TMED3: variants seen among roughly 807,000 people sequenced by gnomAD.
The protein encoded by TMED3 is transmembrane p24 trafficking protein 3.
TMED3 carries 9 observed loss-of-function variants against 15.0 expected under a neutral mutation model. The ratio of observed to expected loss-of-function variants is 0.60; its 90% confidence interval spans 0.36 to 1.04. TMED3 has a LOEUF of 1.04. Among genes scored for constraint, TMED3 ranks in the 50% least tolerant of loss-of-function variants. The pLI, the probability that TMED3 is intolerant of heterozygous loss-of-function variation, is 0.01. For synonymous variants in TMED3, 117 were observed against 121.4 expected (o/e 0.96, Z 0.24); for missense variants, 267 against 278.9 (o/e 0.96, Z 0.30).
At chr15:79,362,300 T>C (rs1034969676) in intron 2 of TMED3, among the ~76,000 whole-genome samples, 2 of 83,338 alleles carry the variant, frequency 2.4e-5, no homozygotes, top group Admixed American at 1.5e-4. Context: ...ATCTTGCCTC[T>C]ATAAAAAAAA....
intron 2 of TMED3, among the ~76,000 whole-genome samples, chr15:79,363,980 A>G (rs1337679976): frequency 6.6e-6 from 1 of 152,238 alleles, no homozygotes; most frequent in Non-Finnish European, 1.5e-5. Context: ...GCATAAATCA[A>G]TATAATGCAG....
chr15:79,364,207 AT>A (rs984315674), intron 2 of TMED3, among the ~76,000 whole-genome samples: 1 of 152,110 alleles, frequency 6.6e-6, no homozygotes, highest in African/African-American at 2.4e-5. Context: ...TGGGTTCCCT[AT>A]TTGTATAAGG....
At chr15:79,398,359 A>G (rs1033652752) in intron 2 of TMED3, among the ~76,000 whole-genome samples, 2 of 151,996 alleles carry the variant, frequency 1.3e-5, no homozygotes, top group Non-Finnish European at 2.9e-5. Flanking sequence ...AGGCAGTGGC[A>G]TAATCATAGC....
chr15:79,341,356 AG>A lies in TMED3; in HGVS notation c.417+27353del, dbSNP rs545434112. 7.2e-5 allele frequency among the ~76,000 whole-genome samples: 11 copies of A among 152,178 alleles called. No homozygotes were observed. The South Asian group carries it at 2.3e-3, about 32-fold the overall frequency. On this transcript the variant is annotated intron_variant, in intron 2 of 2. Transcript: ENST00000424155. The stretch of plus-strand genomic sequence containing the variant: ...GGCTGGGCTGGACCATAGGAAGAGA[AG>A]GTAAGATGGGAATAGGTATATGTAA...
chr15:79,378,510 C>T (rs528311235), intron 2 of TMED3, among the ~76,000 whole-genome samples: 1 of 152,292 alleles, frequency 6.6e-6, no homozygotes, highest in South Asian at 2.1e-4. Context: ...TAGGGAAGAC[C>T]TTCTTAAGAG....
In TMED3 at chr15:79,330,682, C is replaced by G. The variant is rs536376760; in HGVS notation, c.417+16677C>G. On this transcript the variant is annotated intron_variant, in intron 2 of 2. Coordinates refer to the TMED3 transcript ENST00000424155. Reference sequence around the variant, plus strand: ...TTTTTCTCAGAAATATTTTTAAAATCCTAAAATTTATATGGAACCATAAAA... The same window carrying G: ...TTTTTCTCAGAAATATTTTTAAAATGCTAAAATTTATATGGAACCATAAAA... Among the ~76,000 whole-genome samples, 4 of 152,158 alleles carry G rather than the reference C, an allele frequency of 2.6e-5. No individual in the cohort carries two copies. In the South Asian group the frequency reaches 8.3e-4, roughly 32 times the overall value.
chr15:79,373,719 C>G (rs566600222), intron 2 of TMED3, among the ~76,000 whole-genome samples: 1 of 152,136 alleles, frequency 6.6e-6, no homozygotes, highest in Admixed American at 6.5e-5. Context: ...AACATGCACG[C>G]CAGGTAGTTG....
Position 79,315,462 on chromosome 15 carries a change from A to G in TMED3, c.417+1457A>G, listed in dbSNP as rs117588556. ...GTAAGATCTTTTGCAACCGATACTC[A>G]TGAGAGTTCTGTTGGCCACTGTTGA... On this transcript the variant is annotated intron_variant, in intron 2 of 2. Transcript: ENST00000299705. Among the ~76,000 whole-genome samples the G allele has an allele frequency of 9.1e-3, 1,382 of 152,300 alleles. 7 individuals are homozygous for G. The highest frequency in any genetic ancestry group is 0.017 in the Middle Eastern group (5 of 294).
chr15:79,313,507 A>T (rs1445874787), intron 1 of TMED3, among the ~76,000 whole-genome samples: 1 of 152,250 alleles, frequency 6.6e-6, no homozygotes, highest in Admixed American at 6.5e-5. Context: ...GAAACCCTGC[A>T]GAGCAAACTT....
At chr15:79,324,060 G>T (rs1567023832), downstream of TMED3, among the ~76,000 whole-genome samples, 1 of 151,974 alleles carries the variant, frequency 6.6e-6, no homozygotes, top group East Asian at 1.9e-4. Flanking sequence ...GTGCAGTCTC[G>T]GCTCACAGCA....
intron 2 of TMED3, among the ~76,000 whole-genome samples, chr15:79,351,998 A>T (rs983933553): frequency 1.3e-5 from 2 of 151,818 alleles, no homozygotes; most frequent in Non-Finnish European, 2.9e-5. Context: ...GTTCTTATTC[A>T]TAAGTGGGAG....
At chr15:79,388,122 T>G (rs928783076) in intron 2 of TMED3, among the ~76,000 whole-genome samples, 1 of 152,132 alleles carries the variant, frequency 6.6e-6, no homozygotes. Flanking sequence ...AGTAAAGTGA[T>G]GAATAGGACT....
At chr15:79,411,014 G>C in intron 2 of TMED3, among the ~76,000 whole-genome samples, 1 of 152,116 alleles carries the variant, frequency 6.6e-6, no homozygotes, top group East Asian at 1.9e-4. Context: ...GAAACATGCT[G>C]GTTGCTCATA....
At chr15:79,380,106 C>G (rs944963266) in intron 2 of TMED3, among the ~76,000 whole-genome samples, 1 of 152,062 alleles carries the variant, frequency 6.6e-6, no homozygotes, top group Non-Finnish European at 1.5e-5. Flanking sequence ...AAAGCAATCA[C>G]TTAAATATTG....
chr15:79,366,698 A>G (rs1317822876), intron 2 of TMED3, among the ~76,000 whole-genome samples: 2 of 152,228 alleles, frequency 1.3e-5, no homozygotes, highest in South Asian at 2.1e-4. Flanking sequence ...CTGGCCATTT[A>G]GATCCTAAAG....
intron 2 of TMED3, among the ~76,000 whole-genome samples, chr15:79,403,721 C>G (rs894244055): frequency 6.6e-6 from 1 of 152,204 alleles, no homozygotes; most frequent in African/African-American, 2.4e-5. Flanking sequence ...TTACTGTAAT[C>G]TTGCTAGAAC....
At chr15:79,345,634 C>T (rs997375586) in intron 2 of TMED3, among the ~76,000 whole-genome samples, 18 of 152,102 alleles carry the variant, frequency 1.2e-4, no homozygotes, top group African/African-American at 3.4e-4. Flanking sequence ...GTCTTTATAA[C>T]GAAACAATTT....
intron 2 of TMED3, among the ~76,000 whole-genome samples, chr15:79,404,709 G>A (rs920620362): frequency 6.6e-5 from 10 of 152,286 alleles, no homozygotes; most frequent in Middle Eastern, 3.4e-3. Context: ...AGAAGTTTAT[G>A]TGTGGTTTTA....
chr15:79,410,065 T>C (rs1462246594), intron 2 of TMED3, among the ~76,000 whole-genome samples: 3 of 152,178 alleles, frequency 2.0e-5, no homozygotes, highest in Non-Finnish European at 2.9e-5. Context: ...CCGATGAATT[T>C]TACGCCGCAC....
Sources: gnomAD v4.1 joint callset for allele counts (sites outside exome capture counted in the v4.1 genomes callset) on GRCh38, gnomAD v4.1.1 for gene constraint, MANE v1.5 for transcripts, NCBI Gene and HGNC (gene_info 2026-07-23, HGNC 2026-07-21) for gene names.